SLC40A1: variants seen among roughly 807,000 people sequenced by gnomAD.
The protein encoded by SLC40A1 is ferroportin.
In SLC40A1, 16 loss-of-function variants were observed where a neutral mutation model predicts 53.5. The observed-to-expected ratio is 0.30, with a 90% CI of 0.20 to 0.45. SLC40A1 has a LOEUF of 0.45. SLC40A1 is among the 20% of genes least tolerant of loss of function. The pLI, the probability that SLC40A1 is intolerant of heterozygous loss-of-function variation, is 1.00. For synonymous variants in SLC40A1, 247 were observed against 253.2 expected, an observed-to-expected ratio of 0.98 and a Z score of 0.23; for missense variants, 545 against 695.4, an observed-to-expected ratio of 0.78 and a Z score of 2.43.
rs530652695 is a variant in SLC40A1, at chr2:189,572,678, T to C, written c.387+168A>G. 40 of 640,460 alleles carry C rather than the reference T, an allele frequency of 6.2e-5. No individual in the cohort carries two copies. The African/African-American group carries it at 7.0e-4, about 11-fold the overall frequency. The allele number at this position is 640,460 out of a possible 1,614,324, so 39.7% of individuals were successfully genotyped here. On this transcript the variant is annotated intron_variant, in intron 4 of 7. Coordinates refer to ENST00000261024, the MANE Select transcript of SLC40A1 (RefSeq NM_014585.6). ...AACAATACTTAATGAGTGCCTGTTGTGGGCAAAACAACAACAAAACAAACT... is the reference window on the plus strand; with the variant it reads ...AACAATACTTAATGAGTGCCTGTTGCGGGCAAAACAACAACAAAACAAACT...
At chr2:189,579,071 T>C (rs2031379638) in intron 2 of SLC40A1, among the ~76,000 whole-genome samples, 1 of 152,238 alleles carries the variant, frequency 6.6e-6, no homozygotes, top group South Asian at 2.1e-4. Flanking sequence ...TAATCATCAC[T>C]GAACATATAT....
Position 189,563,654 on chromosome 2 carries a change from C to T in SLC40A1, c.1332G>A (p.Glu444=), listed in dbSNP as rs764447643. The change falls in exon 7 of 8, where the codon GAG becomes GAA. Residue 444 remains glutamate (E), a synonymous_variant. Coordinates refer to ENST00000261024, the MANE Select transcript of SLC40A1 (RefSeq NM_014585.6). ...NGSNSANIVP[E]TSPESVPIIS... ...TTATGGGCACAGATTCAGGACTTGT[C>T]TCCGGGACAATATTAGCAGAATTAG... The T allele has an allele frequency of 2.5e-6, 4 of 1,614,162 alleles. No homozygotes were observed. The highest frequency in any genetic ancestry group is 2.7e-5 in the African/African-American group (2 of 75,046).
At position 189,562,308 on chromosome 2, in the gene SLC40A1, G is replaced by C. The variant is rs936211499; in HGVS notation, c.1403-117C>G. 72 of 780,352 alleles carry C rather than the reference G, an allele frequency of 9.2e-5. No individual in the cohort carries two copies. The South Asian group carries it at 1.2e-3, about 13-fold the overall frequency. The allele number at this position is 780,352 out of a possible 1,614,324, so 48.3% of individuals were successfully genotyped here. On this transcript the variant is annotated intron_variant, in intron 7 of 7. Transcript: ENST00000261024. ...TACATTTTAGCCTGACTGTCTTTAA[G>C]TCACCTTAAATATACCATAGCCTTG...
intron 5 of SLC40A1, among the ~76,000 whole-genome samples, chr2:189,568,632 C>A (rs1445668401): frequency 6.6e-6 from 1 of 152,242 alleles, no homozygotes; most frequent in East Asian, 1.9e-4. Context: ...TCCAATTTAA[C>A]TGTTCTCAGC....
chr2:189,570,857 G>A (rs1189929246), intron 5 of SLC40A1, among the ~76,000 whole-genome samples: 2 of 152,170 alleles, frequency 1.3e-5, no homozygotes, highest in African/African-American at 4.8e-5. Flanking sequence ...TTACTTGTCT[G>A]TCAGGACAGT....
rs368843037 is a variant in SLC40A1, at chr2:189,565,454, G to A, written c.660C>T (p.Tyr220=). The change falls in exon 6 of 8, where the codon TAC becomes TAT. Residue 220 remains tyrosine, a synonymous_variant. Transcript: ENST00000261024. ...TCTGGTAAACCTTCCAGAGCAGAAC[G>A]TACTCCACGCACATGGATACCAAGT... ...GWNLVSMCVE[Y]VLLWKVYQKT... 65 of 1,614,190 alleles carry A rather than the reference G, an allele frequency of 4.0e-5. 1 individual carries two copies. The highest frequency in any genetic ancestry group is 4.0e-4 in the South Asian group (36 of 91,088).
intron 6 of SLC40A1, among the ~76,000 whole-genome samples, chr2:189,564,797 G>A (rs867571080): frequency 1.4e-4 from 22 of 152,186 alleles, no homozygotes; most frequent in African/African-American, 4.1e-4. Context: ...CCAAGATCGC[G>A]CCACTGCACT....
At chr2:189,566,952 G>A (rs917999591) in intron 5 of SLC40A1, among the ~76,000 whole-genome samples, 5 of 152,180 alleles carry the variant, frequency 3.3e-5, no homozygotes, top group Admixed American at 6.5e-5. Context: ...GAGCAAGTTC[G>A]TGCATTTTTT....
intron 5 of SLC40A1, among the ~76,000 whole-genome samples, chr2:189,566,774 C>T (rs529182947): frequency 2.0e-5 from 3 of 152,044 alleles, no homozygotes; most frequent in South Asian, 2.1e-4. Flanking sequence ...AGGTCATTGA[C>T]GAAAGTGAGG....
chr2:189,564,017 G>A lies in SLC40A1; in HGVS notation c.969C>T (p.Gly323=). 1 of 1,614,034 alleles carries A rather than the reference G, an allele frequency of 6.2e-7. No individual in the cohort carries two copies. Among genetic ancestry groups the A allele is most frequent in the Non-Finnish European group, 8.5e-7 (1 of 1,179,970 alleles). Residue 323 remains glycine (G), a synonymous_variant, in exon 7 of 8, where the codon GGC becomes GGT. Coordinates refer to ENST00000261024, the MANE Select transcript of SLC40A1 (RefSeq NM_014585.6). ...CGTACCCTGTGGTGATGCAGTCAAAGCCCAGGACAGTCATATAAAGGAAAG... is the reference window on the plus strand; with the variant it reads ...CGTACCCTGTGGTGATGCAGTCAAAACCCAGGACAGTCATATAAAGGAAAG... The part of the protein sequence containing the change: ...GLAFLYMTVL[G]FDCITTGYAY...
At position 189,564,313 on chromosome 2, in the gene SLC40A1, C is replaced by T. The variant is rs891901742; in HGVS notation, c.761-88G>A. On this transcript the variant is annotated intron_variant, in intron 6 of 7. Transcript: ENST00000261024. Reference sequence around the variant, plus strand: ...AGTAGTACTTTTTTTCCTTCTATTCCCCTTCCCAATGGGTACCCTTGGTTA... The same window carrying T: ...AGTAGTACTTTTTTTCCTTCTATTCTCCTTCCCAATGGGTACCCTTGGTTA... The T allele has an allele frequency of 7.0e-6, 8 of 1,148,260 alleles. No individual in the cohort carries two copies. The Admixed American group carries it at 8.7e-5, about 12-fold the overall frequency. 71.1% of individuals were successfully genotyped at this position (1,148,260 alleles called of 1,614,324 possible).
At chr2:189,575,627 C>T (rs2105632187) in intron 2 of SLC40A1, among the ~76,000 whole-genome samples, 1 of 152,258 alleles carries the variant, frequency 6.6e-6, no homozygotes, top group East Asian at 1.9e-4. Context: ...GAGACAAAAA[C>T]GTGTTCTCCT....
intron 2 of SLC40A1, among the ~76,000 whole-genome samples, chr2:189,576,572 T>C (rs2031292567): frequency 6.6e-6 from 1 of 152,164 alleles, no homozygotes; most frequent in Admixed American, 6.5e-5. Context: ...TGGAGTAATT[T>C]TGAGTTGTCA....
At chr2:189,575,412 C>T in intron 2 of SLC40A1, 92 bp from the exon 3 acceptor site, 1 of 1,215,368 alleles carries the variant, frequency 8.2e-7, no homozygotes, top group South Asian at 1.2e-5. Flanking sequence ...AAGGGCACTT[C>T]CTGGCTACAT....
rs371093882 is a variant in SLC40A1 at position 189,573,010 on chromosome 2, G to C, written c.272-49C>G. 3 of 1,220,322 alleles carry C rather than the reference G, an allele frequency of 2.5e-6. No individual in the cohort carries two copies. The African/African-American group carries it at 4.5e-5, about 18-fold the overall frequency. The allele number at this position is 1,220,322 out of a possible 1,614,324, so 75.6% of individuals were successfully genotyped here. ...GTACATTACATCAAAATGTCTCAGTGAGACTGTTCTTATCCACACATAATT... is the reference window on the plus strand; with the variant it reads ...GTACATTACATCAAAATGTCTCAGTCAGACTGTTCTTATCCACACATAATT... On this transcript the variant is annotated intron_variant, in intron 3 of 7. Transcript: ENST00000261024.
At chr2:189,580,016 T>A in intron 1 of SLC40A1, 136 bp from the exon 2 acceptor site, 1 of 876,806 alleles carries the variant, frequency 1.1e-6, no homozygotes, top group South Asian at 1.4e-5. Context: ...GTACATTTTA[T>A]CAAGTTACCT....
chr2:189,572,698 CA>C, intron 4 of SLC40A1, 147 bp downstream of exon 4: 1 of 661,140 alleles, frequency 1.5e-6, no homozygotes. Flanking sequence ...AACAACAAAA[CA>C]AACTATAGGG....
chr2:189,569,001 A>G (rs2031038748), intron 5 of SLC40A1, among the ~76,000 whole-genome samples: 1 of 152,240 alleles, frequency 6.6e-6, no homozygotes, highest in Non-Finnish European at 1.5e-5. Flanking sequence ...ACTGTACTAA[A>G]TCAAGCACCT....
intron 2 of SLC40A1, chr2:189,578,307 G>C: frequency 1.0e-6 from 1 of 1,002,348 alleles, no homozygotes; most frequent in African/African-American, 1.7e-5. Flanking sequence ...AGTTGCTGCT[G>C]TTTGTTTAAT....
Sources: gnomAD v4.1 joint callset for allele counts (sites outside exome capture counted in the v4.1 genomes callset) on GRCh38, gnomAD v4.1.1 for gene constraint, MANE v1.5 for transcripts, NCBI Gene and HGNC (gene_info 2026-07-23, HGNC 2026-07-21) for gene names.